Variants in PTPRM observed in about 807,000 individuals in gnomAD.
PTPRM encodes receptor-type tyrosine-protein phosphatase mu.
In PTPRM, 47 loss-of-function variants were observed where a neutral mutation model predicts 186.7. The ratio of observed to expected loss-of-function variants is 0.25; its 90% CI spans 0.20 to 0.32. The LOEUF is 0.32. Among genes scored for constraint, PTPRM ranks in the 10% least tolerant of loss-of-function variants. The pLI is 1.00. For missense variants in PTPRM, 1,494 were observed against 1,865.0 expected, an observed-to-expected ratio of 0.80 and a Z score of 3.66; for synonymous variants, 668 against 674.9, an observed-to-expected ratio of 0.99 and a Z score of 0.16.
intron 14 of PTPRM, among the ~76,000 whole-genome samples, chr18:8,175,491 G>T (rs2093467486): frequency 6.6e-6 from 1 of 152,172 alleles, no homozygotes; most frequent in South Asian, 2.1e-4. Flanking sequence ...TATCCAGAAG[G>T]TACTGTTTCT....
At chr18:7,967,178 A>ACCC (rs1262915556) in intron 7 of PTPRM, among the ~76,000 whole-genome samples, 2 of 35,708 alleles carry the variant, frequency 5.6e-5, no homozygotes, top group Admixed American at 6.0e-4. Flanking sequence ...ACTGGGAGGC[A>ACCC]CCCCCCAGCA....
intron 1 of PTPRM, among the ~76,000 whole-genome samples, chr18:7,649,482 G>A (rs2038644222): frequency 6.6e-6 from 1 of 152,186 alleles, no homozygotes; most frequent in Admixed American, 6.6e-5. Flanking sequence ...AGTGTTCACT[G>A]TTCTAGATGT....
In PTPRM at chr18:8,394,627, T is replaced by C. The variant is rs1343932984; in HGVS notation, c.4344+16T>C. ...CGACCTCCTGGTAGGACACCCCCTC[T>C]GAGCTGTTCCATGAGACACCCCATT... is the stretch of plus-strand genomic sequence containing the variant. On this transcript the variant is annotated intron_variant, in intron 32 of 32. Coordinates refer to ENST00000580170, the MANE Select transcript of PTPRM (RefSeq NM_001105244.2). The C allele has an allele frequency of 6.3e-7, 1 of 1,597,364 alleles. No homozygotes were observed. Among genetic ancestry groups the C allele is most frequent in the Admixed American group, 1.7e-5 (1 of 58,242 alleles).
At chr18:8,123,252 T>A (rs2092237636) in intron 13 of PTPRM, among the ~76,000 whole-genome samples, 1 of 152,204 alleles carries the variant, frequency 6.6e-6, no homozygotes, top group African/African-American at 2.4e-5. Flanking sequence ...CTAGGCCTGA[T>A]GAAAGCCAAG....
At chr18:7,707,999 A>G (rs1390986278) in intron 1 of PTPRM, among the ~76,000 whole-genome samples, 2 of 152,258 alleles carry the variant, frequency 1.3e-5, no homozygotes, top group African/African-American at 2.4e-5. Flanking sequence ...GAATTACTTT[A>G]GCACTAGAAT....
At chr18:8,142,154 G>A (rs140871642) in intron 13 of PTPRM, among the ~76,000 whole-genome samples, 321 of 152,260 alleles carry the variant, frequency 2.1e-3, no homozygotes, top group African/African-American at 7.4e-3. Context: ...AAAATAGCAG[G>A]ACTTATTCTC....
intron 24 of PTPRM, among the ~76,000 whole-genome samples, chr18:8,375,643 T>G (rs969799705): frequency 2.0e-5 from 3 of 152,184 alleles, no homozygotes; most frequent in Non-Finnish European, 4.4e-5. Context: ...CACACAGACA[T>G]CCTTTAATTT....
At chr18:7,720,330 T>C (rs1374855965) in intron 1 of PTPRM, among the ~76,000 whole-genome samples, 2 of 152,022 alleles carry the variant, frequency 1.3e-5, no homozygotes, top group African/African-American at 4.8e-5. Context: ...GCCTCTGTAA[T>C]GAAATAGTGG....
At chr18:8,072,265 T>C (rs2089527896) in intron 8 of PTPRM, among the ~76,000 whole-genome samples, 1 of 152,168 alleles carries the variant, frequency 6.6e-6, no homozygotes, top group South Asian at 2.1e-4. Context: ...TGCAGTCACT[T>C]CCAGATATAT....
intron 11 of PTPRM, among the ~76,000 whole-genome samples, chr18:8,111,987 G>A (rs2091776918): frequency 6.6e-6 from 1 of 152,176 alleles, no homozygotes; most frequent in South Asian, 2.1e-4. Flanking sequence ...TACAGAACAG[G>A]TAGTATTTAG....
chr18:8,299,260 A>G (rs967567315), intron 20 of PTPRM, among the ~76,000 whole-genome samples: 5 of 152,178 alleles, frequency 3.3e-5, no homozygotes, highest in African/African-American at 1.2e-4. Flanking sequence ...AAAGGGTCCA[A>G]TAATCCATCT....
chr18:8,117,726 C>T (rs565207375), intron 13 of PTPRM, among the ~76,000 whole-genome samples: 2 of 152,210 alleles, frequency 1.3e-5, no homozygotes, highest in Admixed American at 1.3e-4. Flanking sequence ...TAGGCAAACT[C>T]ATCACAGAAT....
chr18:7,902,561 A>G (rs760276515), intron 3 of PTPRM, among the ~76,000 whole-genome samples: 5 of 152,100 alleles, frequency 3.3e-5, no homozygotes, highest in Non-Finnish European at 7.4e-5. Context: ...AGCTGTGTTT[A>G]TTGAATCTGT....
At chr18:8,081,363 T>C (rs1425673852) in intron 9 of PTPRM, among the ~76,000 whole-genome samples, 2 of 152,192 alleles carry the variant, frequency 1.3e-5, no homozygotes, top group Non-Finnish European at 2.9e-5. Flanking sequence ...TCCCATAAAA[T>C]TACTTACATC....
Position 7,568,075 on chromosome 18 carries a change from G to A in PTPRM, c.73+184G>A, listed in dbSNP as rs577581601. Among the ~76,000 whole-genome samples, 9 of 151,990 alleles carry A rather than the reference G, an allele frequency of 5.9e-5. No individual in the cohort carries two copies. Among genetic ancestry groups the A allele is most frequent in the Admixed American group, 5.9e-4 (9 of 15,274 alleles). On this transcript the variant is annotated intron_variant, in intron 1 of 32. Coordinates refer to ENST00000580170, the MANE Select transcript of PTPRM (RefSeq NM_001105244.2). The surrounding 1 kb of genome is among the most constrained non-coding windows in gnomAD (Gnocchi z 5.1). ...GGGCGAGGGGCCGTGGGGCTGGCAG[G>A]CACCCAGTCCTCGGGCGGGCGGAGC... is the stretch of plus-strand genomic sequence containing the variant.
At chr18:8,208,275 A>G (rs1320488494) in intron 14 of PTPRM, among the ~76,000 whole-genome samples, 1 of 152,224 alleles carries the variant, frequency 6.6e-6, no homozygotes, top group Non-Finnish European at 1.5e-5. Context: ...CATGCTGAAT[A>G]TGTGTCTCTT....
chr18:7,587,445 C>T (rs1349731456), intron 1 of PTPRM, among the ~76,000 whole-genome samples: 1 of 151,634 alleles, frequency 6.6e-6, no homozygotes, highest in Non-Finnish European at 1.5e-5. Flanking sequence ...TTTTTAATGA[C>T]CTGTTAGCTG....
At chr18:7,908,507 C>A (rs116420915) in intron 4 of PTPRM, among the ~76,000 whole-genome samples, 6 of 152,108 alleles carry the variant, frequency 3.9e-5, no homozygotes, top group South Asian at 2.1e-4. Flanking sequence ...GTGGTTGTTA[C>A]CTGATGAATG....
chr18:7,831,419 T>G (rs2045754826), intron 2 of PTPRM, among the ~76,000 whole-genome samples: 1 of 152,206 alleles, frequency 6.6e-6, no homozygotes, highest in Admixed American at 6.5e-5. Context: ...TAGCAAATCT[T>G]CTGAAGAAAA....
Sources: gnomAD v4.1 joint callset for allele counts (sites outside exome capture counted in the v4.1 genomes callset) on GRCh38, gnomAD v4.1.1 for gene constraint, Gnocchi (gnomAD v3.1) non-coding constraint, MANE v1.5 for transcripts, NCBI Gene and HGNC (gene_info 2026-07-23, HGNC 2026-07-21) for gene names.